Variants in TMEM232 observed in about 807,000 individuals in gnomAD.
TMEM232 encodes transmembrane protein 232.
A neutral mutation model predicts 78.8 loss-of-function variants in TMEM232; 80 were observed. The observed-to-expected ratio is 1.01, with a 90% CI of 0.85 to 1.22. The LOEUF (loss-of-function observed/expected upper bound fraction) is 1.22, where lower values mean the gene tolerates loss of function less well. TMEM232 is among the 50% of genes most tolerant of loss of function. TMEM232 has a pLI of 0.00. For missense variants in TMEM232, 881 were observed against 742.2 expected, an observed-to-expected ratio of 1.19 and a Z score of -2.17; for synonymous variants, 297 against 254.3, an observed-to-expected ratio of 1.17 and a Z score of -1.60.
intron 12 of TMEM232, among the ~76,000 whole-genome samples, chr5:110,472,985 G>C (rs1266215425): frequency 6.6e-6 from 1 of 150,792 alleles, no homozygotes; most frequent in Non-Finnish European, 1.5e-5. Flanking sequence ...ATAAAACATA[G>C]AGTAAATGCT....
At chr5:110,438,001 C>T (rs1758618701) in intron 12 of TMEM232, among the ~76,000 whole-genome samples, 1 of 152,058 alleles carries the variant, frequency 6.6e-6, no homozygotes, top group Non-Finnish European at 1.5e-5. Flanking sequence ...AAGGTAGCAT[C>T]TCTGTTTAGC....
chr5:110,587,562 C>T (rs982400530), intron 10 of TMEM232, among the ~76,000 whole-genome samples: 46 of 151,504 alleles, frequency 3.0e-4, no homozygotes, highest in Non-Finnish European at 6.2e-4. Context: ...CCATACCTTA[C>T]TCTTTCCTTG....
At chr5:110,507,901 A>C (rs1767126672) in intron 12 of TMEM232, among the ~76,000 whole-genome samples, 1 of 152,194 alleles carries the variant, frequency 6.6e-6, no homozygotes, top group Middle Eastern at 3.2e-3. Context: ...AAAAGAGGCA[A>C]AGAAAAATTA....
chr5:110,422,519 CAAAA>C (rs34448955), intron 13 of TMEM232, among the ~76,000 whole-genome samples: 39 of 34,546 alleles, frequency 1.1e-3, no homozygotes, highest in African/African-American at 3.4e-3. Flanking sequence ...GACTCTGTCT[CAAAA>C]AAAAAAAAAA....
intron 12 of TMEM232, among the ~76,000 whole-genome samples, chr5:110,427,820 TTTCATACAA>T (rs1426792229): frequency 1.3e-5 from 2 of 151,934 alleles, no homozygotes; most frequent in Non-Finnish European, 2.9e-5. Flanking sequence ...TACTGTTCTT[TTTCATACAA>T]TGACATTTAA....
chr5:110,725,669 T>C (rs1477100228), intron 1 of TMEM232: 1 of 152,188 alleles, frequency 6.6e-6, no homozygotes, highest in African/African-American at 2.4e-5. Flanking sequence ...GCTCATGAAA[T>C]GGCTCCAGCA....
intron 6 of TMEM232, among the ~76,000 whole-genome samples, chr5:110,627,230 A>C (rs1276685992): frequency 1.3e-5 from 2 of 152,072 alleles, no homozygotes; most frequent in Non-Finnish European, 2.9e-5. Context: ...GATTCAGTGG[A>C]TCACCAAGTC....
At chr5:110,540,098 C>T (rs1182819383) in intron 11 of TMEM232, among the ~76,000 whole-genome samples, 1 of 152,160 alleles carries the variant, frequency 6.6e-6, no homozygotes, top group South Asian at 2.1e-4. Flanking sequence ...AGGCTCTCAC[C>T]CAGCTTCCGC....
At chr5:110,520,551 A>C (rs1769353867) in intron 12 of TMEM232, among the ~76,000 whole-genome samples, 1 of 152,218 alleles carries the variant, frequency 6.6e-6, no homozygotes, top group South Asian at 2.1e-4. Context: ...CTATTAGACT[A>C]TTATATAATA....
At chr5:110,398,330 G>A (rs1755469344) in intron 2 of TMEM232, among the ~76,000 whole-genome samples, 2 of 152,148 alleles carry the variant, frequency 1.3e-5, no homozygotes, top group Non-Finnish European at 2.9e-5. Context: ...TAAATGGTTG[G>A]TAGTTTTCAT....
In TMEM232 at chr5:110,482,474, G is replaced by A. The variant is rs558560812; in HGVS notation, c.1703+46114C>T. ...TGGGTGCTTATAATCCCAGCTACTC[G>A]GGAGGCTGAGGCAGGAGAATCACTT... On this transcript the variant is annotated intron_variant, in intron 12 of 13. Transcript: ENST00000455884. Among the ~76,000 whole-genome samples, 250 of 151,860 alleles carry A rather than the reference G, an allele frequency of 1.6e-3. 1 individual carries two copies. The highest frequency in any genetic ancestry group is 5.8e-3 in the African/African-American group (242 of 41,480).
chr5:110,591,256 G>A (rs1779494741), intron 10 of TMEM232, among the ~76,000 whole-genome samples: 1 of 152,150 alleles, frequency 6.6e-6, no homozygotes, highest in South Asian at 2.1e-4. Flanking sequence ...CCAGGAGTTT[G>A]AGACCAGCCT....
At chr5:110,593,335 A>T (rs1779754071) in intron 10 of TMEM232, among the ~76,000 whole-genome samples, 1 of 152,226 alleles carries the variant, frequency 6.6e-6, no homozygotes, top group South Asian at 2.1e-4. Flanking sequence ...GAATTCGCCC[A>T]AATTCTAGGC....
At chr5:110,559,215 T>G (rs1449186989) in intron 11 of TMEM232, among the ~76,000 whole-genome samples, 2 of 152,178 alleles carry the variant, frequency 1.3e-5, no homozygotes, top group East Asian at 3.9e-4. Flanking sequence ...ATTGTAAACC[T>G]AATCCTAATC....
chr5:110,712,626 C>A (rs1796608762), intron 1 of TMEM232, among the ~76,000 whole-genome samples: 1 of 152,128 alleles, frequency 6.6e-6, no homozygotes, highest in Non-Finnish European at 1.5e-5. Flanking sequence ...AGAACGTCCC[C>A]TTTGTTTCAC....
intron 8 of TMEM232, among the ~76,000 whole-genome samples, chr5:110,611,454 G>A (rs1309211576): frequency 6.6e-6 from 1 of 152,094 alleles, no homozygotes; most frequent in Non-Finnish European, 1.5e-5. Flanking sequence ...AAGGGATGGA[G>A]CCTCAGACAA....
chr5:110,719,963 C>G (rs1174745474), intron 1 of TMEM232, among the ~76,000 whole-genome samples: 1 of 152,106 alleles, frequency 6.6e-6, no homozygotes, highest in Non-Finnish European at 1.5e-5. Context: ...GTTTTAAGGG[C>G]TCTTCTTACT....
chr5:110,557,227 G>C (rs1775203974), intron 11 of TMEM232, among the ~76,000 whole-genome samples: 1 of 152,096 alleles, frequency 6.6e-6, no homozygotes, highest in South Asian at 2.1e-4. Flanking sequence ...TATCAGATCA[G>C]TTTTGTTCTT....
chr5:110,695,295 T>C lies in TMEM232; in HGVS notation c.-12-27931A>G, dbSNP rs562013289. 5.7e-3 allele frequency among the ~76,000 whole-genome samples: 869 copies of C among 152,246 alleles called. 10 individuals carry two copies. The highest frequency in any genetic ancestry group is 0.02 in the African/African-American group (820 of 41,522). ...ACATACCAGAATCTCTGGGACGCAT[T>C]CAAAGCAGTGTGTAGAGGGAAATTT... On this transcript the variant is annotated intron_variant, in intron 1 of 13. Transcript: ENST00000455884.
Sources: gnomAD v4.1 joint callset for allele counts (sites outside exome capture counted in the v4.1 genomes callset) on GRCh38, gnomAD v4.1.1 for gene constraint, MANE v1.5 for transcripts, NCBI Gene and HGNC (gene_info 2026-07-23, HGNC 2026-07-21) for gene names.